The following VPS13C variants were observed in gnomAD, a reference collection of about 807,000 sequenced individuals.
VPS13C encodes intermembrane lipid transfer protein VPS13C.
Under a neutral mutation model 456.8 loss-of-function variants are expected in VPS13C, and 358 were observed. That is an observed-to-expected ratio of 0.78 (90% CI 0.72 to 0.86). The LOEUF (loss-of-function observed/expected upper bound fraction) is 0.86. Among genes scored for constraint, VPS13C ranks in the 40% least tolerant of loss-of-function variants. VPS13C has a pLI of 0.00. For synonymous variants in VPS13C, 1,578 were observed against 1,486.7 expected (o/e 1.06, Z -1.41); for missense variants, 4,818 against 4,385.4 (o/e 1.10, Z -2.79).
chr15:61,896,754 C>A (rs1354093247), intron 66 of VPS13C, among the ~76,000 whole-genome samples: 2 of 152,238 alleles, frequency 1.3e-5, no homozygotes, highest in African/African-American at 4.8e-5. Flanking sequence ...CCCACCACAG[C>A]TCAAGGAGGC....
intron 32 of VPS13C, among the ~76,000 whole-genome samples, chr15:61,963,543 C>T (rs1186137808): frequency 6.6e-6 from 1 of 152,048 alleles, no homozygotes; most frequent in Non-Finnish European, 1.5e-5. Flanking sequence ...TAGACTGACA[C>T]TTCTCCTAGC....
intron 66 of VPS13C, among the ~76,000 whole-genome samples, chr15:61,899,455 T>G (rs75917862): frequency 0.07 from 10,654 of 151,988 alleles, 586 homozygotes; most frequent in East Asian, 0.21. Flanking sequence ...ACAAACTACC[T>G]CTACGCAAAT....
chr15:61,857,863 T>C (rs759237565), intron 82 of VPS13C, among the ~76,000 whole-genome samples: 5 of 152,142 alleles, frequency 3.3e-5, no homozygotes, highest in Non-Finnish European at 7.4e-5. Flanking sequence ...AGAACTGAAA[T>C]AGATCCCTGG....
At chr15:61,894,429 T>C (rs960795569) in intron 66 of VPS13C, among the ~76,000 whole-genome samples, 1 of 151,518 alleles carries the variant, frequency 6.6e-6, no homozygotes, top group African/African-American at 2.4e-5. Context: ...TTAATAGAAA[T>C]GGAGTGGCTG....
chr15:61,933,602 T>A (rs1207765568), intron 49 of VPS13C, among the ~76,000 whole-genome samples: 1 of 152,058 alleles, frequency 6.6e-6, no homozygotes, highest in East Asian at 1.9e-4. Context: ...GGTATTAATG[T>A]ATGACATAAT....
chr15:62,006,003 C>A (rs1299612000), intron 15 of VPS13C, among the ~76,000 whole-genome samples: 1 of 151,930 alleles, frequency 6.6e-6, no homozygotes, highest in Non-Finnish European at 1.5e-5. Context: ...CACGCCCGGC[C>A]GTGTTTCTAC....
intron 9 of VPS13C, among the ~76,000 whole-genome samples, chr15:62,019,099 T>C (rs552479551): frequency 9.8e-5 from 15 of 152,318 alleles, no homozygotes; most frequent in African/African-American, 3.4e-4. Flanking sequence ...TATTCTCTGA[T>C]GGTAGTTTTG....
At position 61,854,391 on chromosome 15, in the gene VPS13C, C is replaced by T. The variant is rs535085012; in HGVS notation, c.*66G>A. The T allele has an allele frequency of 2.9e-6, 4 of 1,401,034 alleles. No homozygotes were observed. The Admixed American group carries it at 5.0e-5, about 18-fold the overall frequency. The allele number at this position is 1,401,034 out of a possible 1,614,324, so 86.8% of individuals were successfully genotyped here. On this transcript the variant is annotated 3_prime_UTR_variant, in exon 85 of 85. Coordinates refer to ENST00000644861, the MANE Select transcript of VPS13C (RefSeq NM_020821.3). ...AAAAATTGTCTTTAGCAAGATAAAG[C>T]AGAGTGACTTATAGACAAGACCAGT... is the stretch of plus-strand genomic sequence containing the variant.
At chr15:62,009,400 C>T (rs972821571) in intron 13 of VPS13C, among the ~76,000 whole-genome samples, 1 of 150,388 alleles carries the variant, frequency 6.6e-6, no homozygotes, top group Non-Finnish European at 1.5e-5. Context: ...TTCCTCCTCT[C>T]TAATTTTTCA....
chr15:61,865,056 A>T, intron 81 of VPS13C: 1 of 984,908 alleles, frequency 1.0e-6, no homozygotes, highest in Non-Finnish European at 1.2e-6. Flanking sequence ...CAGCACTACT[A>T]AAAACCCACT....
At chr15:61,887,975 TAAAC>T (rs968016033) in intron 67 of VPS13C, among the ~76,000 whole-genome samples, 8 of 152,026 alleles carry the variant, frequency 5.3e-5, no homozygotes, top group Non-Finnish European at 8.8e-5. Context: ...GTATCCAAAA[TAAAC>T]AAAGAACTCT....
intron 83 of VPS13C, among the ~76,000 whole-genome samples, 160 bp from the exon 84 acceptor site, chr15:61,855,114 A>G (rs1276826842): frequency 2.6e-5 from 4 of 152,240 alleles, no homozygotes; most frequent in Admixed American, 1.3e-4. Flanking sequence ...TCTTGGAACA[A>G]GGACGGTATT....
chr15:61,927,168 T>A lies in VPS13C; in HGVS notation c.6439A>T (p.Met2147Leu), dbSNP rs1405960242. Residue 2147 changes from methionine to leucine, a missense_variant, in exon 52 of 85, where the codon ATG becomes TTG. Met to Leu is a conservative substitution (Grantham distance 15). This residue lies in a region of VPS13C where 4,552 missense variants were observed against 4,130.6 expected (regional missense o/e 1.10). Coordinates refer to ENST00000644861, the MANE Select transcript of VPS13C (RefSeq NM_020821.3). ...TTCAGATCTCTCACAGAAGCTTCCA[T>A]CATCTGTTCGAGTTTGGATGTTGAC... Reference protein sequence around the residue: ...SLSTSKLEQMMEASVRDLKVL... With the variant: ...SLSTSKLEQMLEASVRDLKVL... 6.2e-6 allele frequency: 10 copies of A among 1,614,064 alleles called. No individual in the cohort carries two copies. Among genetic ancestry groups the A allele is most frequent in the Middle Eastern group, 1.6e-4 (1 of 6,084 alleles).
Position 61,985,009 on chromosome 15 carries a change from A to C in VPS13C, c.1579-10T>G. The stretch of plus-strand genomic sequence containing the variant: ...TAATATGGGCAACATACTATACAGA[A>C]AGAATGAAATTAAAATTGTTAAAGT... On this transcript the variant is annotated splice_polypyrimidine_tract_variant and intron_variant, in intron 18 of 84. Coordinates refer to ENST00000644861, the MANE Select transcript of VPS13C (RefSeq NM_020821.3). 2 of 1,412,354 alleles carry C rather than the reference A, an allele frequency of 1.4e-6. No individual in the cohort carries two copies. Among genetic ancestry groups the C allele is most frequent in the Non-Finnish European group, 1.9e-6 (2 of 1,072,592 alleles). The allele number at this position is 1,412,354 out of a possible 1,614,324, so 87.5% of individuals were successfully genotyped here. A position where few individuals can be genotyped will look rare whatever the true frequency, so the allele number is the denominator to read the frequency against.
intron 6 of VPS13C, among the ~76,000 whole-genome samples, chr15:62,025,225 T>C (rs2047597325): frequency 6.6e-6 from 1 of 152,124 alleles, no homozygotes; most frequent in Admixed American, 6.5e-5. Context: ...AATTTTTAAT[T>C]GGTTCTTCCT....
intron 67 of VPS13C, among the ~76,000 whole-genome samples, 200 bp from the exon 68 acceptor site, chr15:61,884,469 A>G (rs1200414580): frequency 6.6e-6 from 1 of 152,106 alleles, no homozygotes; most frequent in Non-Finnish European, 1.5e-5. Flanking sequence ...TTTTCTATCA[A>G]CGTTGACATC....
chr15:61,971,565 A>G (rs2045557330), intron 27 of VPS13C, among the ~76,000 whole-genome samples: 1 of 152,126 alleles, frequency 6.6e-6, no homozygotes, highest in African/African-American at 2.4e-5. Flanking sequence ...CCGGCCTGAC[A>G]TTCACTCTTA....
At chr15:62,052,611 T>C (rs1456501561) in intron 1 of VPS13C, among the ~76,000 whole-genome samples, 1 of 144,462 alleles carries the variant, frequency 6.9e-6, no homozygotes, top group African/African-American at 2.7e-5. Flanking sequence ...AGGCAGAGCT[T>C]GCAGTGAGCC....
chr15:62,023,705 A>T (rs1243674954), intron 7 of VPS13C, 75 bp downstream of exon 7: 2 of 1,396,738 alleles, frequency 1.4e-6, no homozygotes, highest in Non-Finnish European at 2.0e-6. Flanking sequence ...TCTGACATTC[A>T]TTTCACATTC....
Sources: allele counts gnomAD v4.1 joint callset (sites outside exome capture counted in the v4.1 genomes callset), GRCh38; gene constraint gnomAD v4.1.1; regional missense constraint gnomAD v4.1.1; transcripts MANE v1.5; gene names NCBI Gene and HGNC (gene_info 2026-07-23, HGNC 2026-07-21).